SCN11A: variants seen among roughly 807,000 people sequenced by gnomAD.
SCN11A encodes sodium voltage-gated channel alpha subunit 11.
In SCN11A, 122 loss-of-function variants were observed where a neutral mutation model predicts 162.2. That is an observed-to-expected ratio of 0.75 (90% CI 0.65 to 0.87). The LOEUF (loss-of-function observed/expected upper bound fraction) is 0.87. Ranked by LOEUF, SCN11A falls within the 40% of genes least tolerant of loss-of-function variation. The pLI, the probability that SCN11A is intolerant of heterozygous loss-of-function variation, is 0.00. For synonymous variants in SCN11A, 758 were observed against 751.5 expected, an observed-to-expected ratio of 1.01 and a Z score of -0.14; for missense variants, 2,015 against 2,181.6, an observed-to-expected ratio of 0.92 and a Z score of 1.52.
Position 38,863,231 on chromosome 3 carries a change from T to A in SCN11A, c.4020A>T (p.Gly1340=), listed in dbSNP as rs2126089263. 1 of 1,608,126 alleles carries A rather than the reference T, an allele frequency of 6.2e-7. No individual in the cohort carries two copies. The highest frequency in any genetic ancestry group is 8.5e-7 in the Non-Finnish European group (1 of 1,174,808). ...KKYYNAMKKL[G]SKKPQKPIPR... is the part of the protein sequence containing the mutation. ...GAATGGGTTTTTGAGGTTTTTTGGA[T>A]CCTAATTTTTTCATTGCATTATAGT... The change falls in exon 28 of 30, where the codon GGA becomes GGT. Residue 1340 remains glycine, a synonymous_variant. Transcript: ENST00000302328.
In SCN11A at chr3:39,012,537, G is replaced by A. The variant is rs1198467083; in HGVS notation, c.-280+19843C>T. On this transcript the variant is annotated intron_variant, in intron 2 of 29. Transcript: ENST00000302328. ...GTTCTGTTGCCCAGGCTGGAGTGCAGTGATGCTATCTTGGCTCACTGAAGG... is the reference window on the plus strand; with the variant it reads ...GTTCTGTTGCCCAGGCTGGAGTGCAATGATGCTATCTTGGCTCACTGAAGG... Among the ~76,000 whole-genome samples, 11 of 144,770 alleles carry A rather than the reference G, an allele frequency of 7.6e-5. No homozygotes were observed. In the East Asian group the frequency reaches 2.3e-3, roughly 30 times the overall value. The allele number at this position is 144,770 out of a possible 152,430, so 95.0% of individuals were successfully genotyped here.
intron 23 of SCN11A, among the ~76,000 whole-genome samples, chr3:38,877,147 A>G (rs186869665): frequency 1.0e-4 from 11 of 104,878 alleles, no homozygotes; most frequent in African/African-American, 4.8e-4. Flanking sequence ...TATATATGGT[A>G]TATATATGGT....
chr3:38,942,835 T>A (rs2066461001), intron 7 of SCN11A, among the ~76,000 whole-genome samples: 1 of 152,038 alleles, frequency 6.6e-6, no homozygotes, highest in South Asian at 2.1e-4. Context: ...AATGAAAAAA[T>A]TAATAAAGAC....
At chr3:38,921,857 T>C (rs138574188) in intron 9 of SCN11A, among the ~76,000 whole-genome samples, 6 of 152,328 alleles carry the variant, frequency 3.9e-5, no homozygotes, top group Middle Eastern at 3.4e-3. Flanking sequence ...TGGCACACTG[T>C]TAAGCTGCCA....
intron 2 of SCN11A, among the ~76,000 whole-genome samples, chr3:39,008,304 T>A (rs1485765211): frequency 6.6e-6 from 1 of 152,052 alleles, no homozygotes; most frequent in African/African-American, 2.4e-5. Flanking sequence ...GAGAATAAAG[T>A]CATTTTCAGA....
chr3:38,861,376 G>A (rs2064960940), intron 28 of SCN11A, among the ~76,000 whole-genome samples: 1 of 151,892 alleles, frequency 6.6e-6, no homozygotes, highest in Admixed American at 6.6e-5. Context: ...ATCCTTCACA[G>A]GACTAGAAAA....
At chr3:38,973,581 A>C (rs2066830449) in intron 2 of SCN11A, among the ~76,000 whole-genome samples, 1 of 152,222 alleles carries the variant, frequency 6.6e-6, no homozygotes, top group Non-Finnish European at 1.5e-5. Context: ...TCTTGCTAGT[A>C]AAACAACTAA....
At chr3:39,042,141 C>T (rs2032062675) in intron 1 of SCN11A, among the ~76,000 whole-genome samples, 2 of 152,078 alleles carry the variant, frequency 1.3e-5, no homozygotes, top group South Asian at 2.1e-4. Flanking sequence ...TGGTGGTAGG[C>T]GCCTGTAGTC....
At chr3:38,922,886 C>T (rs185384025) in intron 9 of SCN11A, among the ~76,000 whole-genome samples, 1 of 151,698 alleles carries the variant, frequency 6.6e-6, no homozygotes, top group East Asian at 2.0e-4. Flanking sequence ...GTTCCCATGT[C>T]TTTTTACAGT....
intron 3 of SCN11A, among the ~76,000 whole-genome samples, 141 bp from the exon 4 acceptor site, chr3:38,953,900 G>GAGGC: frequency 6.6e-6 from 1 of 152,298 alleles, no homozygotes; most frequent in East Asian, 1.9e-4. Flanking sequence ...CCATACTGAA[G>GAGGC]AGGCATCCCA....
At chr3:38,885,661 C>T (rs145860167) in intron 20 of SCN11A, among the ~76,000 whole-genome samples, 8 of 152,248 alleles carry the variant, frequency 5.3e-5, no homozygotes, top group African/African-American at 1.7e-4. Flanking sequence ...AGTACCTCCA[C>T]GTTTTCTCCC....
intron 19 of SCN11A, among the ~76,000 whole-genome samples, chr3:38,889,215 C>T (rs1251879068): frequency 6.6e-6 from 1 of 151,508 alleles, no homozygotes; most frequent in Non-Finnish European, 1.5e-5. Flanking sequence ...CACCTGAGGT[C>T]CAGAGTTCAA....
chr3:38,970,523 C>T (rs2066810336), intron 2 of SCN11A, among the ~76,000 whole-genome samples: 1 of 152,150 alleles, frequency 6.6e-6, no homozygotes, highest in Non-Finnish European at 1.5e-5. Context: ...AAAATAGATA[C>T]TAGAAATCTT....
chr3:38,879,490 T>C (rs2126103333), intron 23 of SCN11A, among the ~76,000 whole-genome samples: 1 of 152,310 alleles, frequency 6.6e-6, no homozygotes, highest in Non-Finnish European at 1.5e-5. Context: ...CAGAACATTG[T>C]CATGCATATT....
chr3:38,865,111 T>C (rs1443038893), intron 27 of SCN11A, among the ~76,000 whole-genome samples: 1 of 152,062 alleles, frequency 6.6e-6, no homozygotes, highest in African/African-American at 2.4e-5. Flanking sequence ...GGTGGCAGAG[T>C]TGAGTAAGGG....
intron 27 of SCN11A, among the ~76,000 whole-genome samples, chr3:38,865,461 G>A (rs2065025952): frequency 6.6e-6 from 1 of 152,122 alleles, no homozygotes; most frequent in South Asian, 2.1e-4. Context: ...ATGCTAAGAA[G>A]GCTAATTGGT....
intron 19 of SCN11A, among the ~76,000 whole-genome samples, chr3:38,886,669 G>A (rs1385510886): frequency 6.6e-6 from 1 of 152,114 alleles, no homozygotes; most frequent in Non-Finnish European, 1.5e-5. Context: ...ACATTCTGAT[G>A]TAAAAATAAA....
chr3:38,966,770 T>C (rs1375019632), intron 2 of SCN11A, among the ~76,000 whole-genome samples: 1 of 152,258 alleles, frequency 6.6e-6, no homozygotes, highest in East Asian at 1.9e-4. Context: ...CTCCACATCC[T>C]TCCCAGCCTC....
rs546385344 is a variant in SCN11A, at chr3:39,036,208, A to G, written c.-403-3705T>C. Among the ~76,000 whole-genome samples the G allele has an allele frequency of 2.0e-4, 30 of 152,184 alleles. No individual in the cohort carries two copies. The South Asian group carries it at 6.2e-3, about 32-fold the overall frequency. ...GCCCAGGCTGGAGTGCAATGGCACA[A>G]TATCAGCTCACTGCAACCTCCGCCT... On this transcript the variant is annotated intron_variant, in intron 1 of 29. Coordinates refer to ENST00000302328, the MANE Select transcript of SCN11A (RefSeq NM_001349253.2).
Sources: gnomAD v4.1 joint callset for allele counts (sites outside exome capture counted in the v4.1 genomes callset) on GRCh38, gnomAD v4.1.1 for gene constraint, MANE v1.5 for transcripts, NCBI Gene and HGNC (gene_info 2026-07-23, HGNC 2026-07-21) for gene names.